BPTF: variants seen among roughly 807,000 people sequenced by gnomAD.
The protein encoded by BPTF is bromodomain PHD finger transcription factor, also known as nucleosome-remodeling factor subunit BPTF.
A neutral mutation model predicts 292.5 loss-of-function variants in BPTF; 18 were observed. The observed-to-expected ratio is 0.06, with a 90% confidence interval of 0.04 to 0.09. The LOEUF (loss-of-function observed/expected upper bound fraction) is 0.09. Ranked by LOEUF, BPTF falls within the 10% of genes least tolerant of loss-of-function variation. The probability of loss-of-function intolerance (pLI) is 1.00; values close to 1 mark genes in which losing one functional copy is unlikely to be tolerated. For missense variants in BPTF, 2,726 were observed against 3,498.7 expected (o/e 0.78, Z 5.57); for synonymous variants, 1,225 against 1,251.9 (o/e 0.98, Z 0.45).
chr17:67,924,964 G>T (rs1598701299), intron 15 of BPTF, among the ~76,000 whole-genome samples: 1 of 151,394 alleles, frequency 6.6e-6, no homozygotes, highest in South Asian at 2.1e-4. Context: ...CCCCAGGCTG[G>T]TCTTAAACTC....
At chr17:67,873,992 C>CTGGATGGA (rs34261763) in intron 3 of BPTF, among the ~76,000 whole-genome samples, 3,943 of 150,426 alleles carry the variant, frequency 0.026, 156 homozygotes, top group African/African-American at 0.083. Context: ...TAAGAAAATG[C>CTGGATGGA]TGGATGGATG....
At chr17:67,835,338 C>A (rs551640582) in intron 1 of BPTF, among the ~76,000 whole-genome samples, 1 of 152,344 alleles carries the variant, frequency 6.6e-6, no homozygotes, top group Non-Finnish European at 1.5e-5. Context: ...TGGGGCATTT[C>A]ATATCATTGC....
At chr17:67,870,420 A>G (rs963955504) in intron 3 of BPTF, among the ~76,000 whole-genome samples, 1 of 152,010 alleles carries the variant, frequency 6.6e-6, no homozygotes, top group Non-Finnish European at 1.5e-5. Flanking sequence ...CAATTCTTTA[A>G]TCCTCTCAGC....
chr17:67,937,372 G>T (rs558173070), intron 18 of BPTF, among the ~76,000 whole-genome samples: 1 of 142,474 alleles, frequency 7.0e-6, no homozygotes, highest in Non-Finnish European at 1.5e-5. Context: ...CAGGAGAATC[G>T]GACTTTGTCA....
chr17:67,879,501 A>T (rs146616893), intron 4 of BPTF, among the ~76,000 whole-genome samples: 13 of 152,276 alleles, frequency 8.5e-5, no homozygotes, highest in African/African-American at 2.9e-4. Context: ...TTTCACTGTG[A>T]GAAGGTTATT....
At chr17:67,909,375 G>T (rs2062492153) in intron 9 of BPTF, among the ~76,000 whole-genome samples, 1 of 148,356 alleles carries the variant, frequency 6.7e-6, no homozygotes, top group South Asian at 2.1e-4. Flanking sequence ...TGAAGTTCAG[G>T]CATTCCTTCT....
intron 14 of BPTF, 115 bp downstream of exon 14, chr17:67,923,105 G>T: frequency 8.2e-7 from 1 of 1,213,218 alleles, no homozygotes; most frequent in Non-Finnish European, 1.1e-6. Flanking sequence ...ACCCAGGCTG[G>T]AGTGCAGTGG....
Position 67,945,590 on chromosome 17 carries a change from G to A in BPTF, c.6882G>A (p.Gln2294=). The change falls in exon 21 of 28, where the codon CAG becomes CAA. Residue 2294 remains glutamine, a synonymous_variant. Transcript: ENST00000306378. The stretch of plus-strand genomic sequence containing the variant: ...AGTCCCCAGCTCAGCCTGAAGTTCA[G>A]ACTCAGCCTGAAGTTCAGACCCAAA... The part of the protein sequence containing the change: ...QPQSPAQPEV[Q]TQPEVQTQTT... 6.2e-7 allele frequency: 1 copy of A among 1,611,862 alleles called. No individual in the cohort carries two copies. The highest frequency in any genetic ancestry group is 8.5e-7 in the Non-Finnish European group (1 of 1,178,974).
intron 18 of BPTF, among the ~76,000 whole-genome samples, chr17:67,934,428 G>C (rs1414871251): frequency 6.6e-6 from 1 of 151,722 alleles, no homozygotes; most frequent in Non-Finnish European, 1.5e-5. Flanking sequence ...TGAGGCAGGA[G>C]AATCACTGCA....
rs143423003 is a variant in BPTF, at chr17:67,857,746, C to T, written c.1436+2984C>T. Among the ~76,000 whole-genome samples, 119 of 149,296 alleles carry T rather than the reference C, an allele frequency of 8.0e-4. 1 individual carries two copies. Among genetic ancestry groups the T allele is most frequent in the Non-Finnish European group, 9.2e-4 (62 of 67,376 alleles). ...CCTCTCAAAGTGCTGGGATTATAGGCGTGAGCCACTGCGTCTAGACTAACA... is the reference window on the plus strand; with the variant it reads ...CCTCTCAAAGTGCTGGGATTATAGGTGTGAGCCACTGCGTCTAGACTAACA... On this transcript the variant is annotated intron_variant, in intron 2 of 27. Transcript: ENST00000306378.
At chr17:67,881,064 A>G (rs2060371512) in intron 4 of BPTF, among the ~76,000 whole-genome samples, 1 of 152,078 alleles carries the variant, frequency 6.6e-6, no homozygotes, top group African/African-American at 2.4e-5. Flanking sequence ...ATAATTTGGT[A>G]GAAGTTATGT....
intron 26 of BPTF, among the ~76,000 whole-genome samples, chr17:67,971,386 G>A (rs2068739759): frequency 6.6e-6 from 1 of 151,658 alleles, no homozygotes; most frequent in South Asian, 2.1e-4. Context: ...GCCCATTTTA[G>A]GCTTTTTTTT....
chr17:67,832,664 C>A (rs1039880201), intron 1 of BPTF, among the ~76,000 whole-genome samples: 1 of 151,956 alleles, frequency 6.6e-6, no homozygotes, highest in African/African-American at 2.4e-5. Flanking sequence ...CTAATTCCAG[C>A]ACGTTTTTAT....
intron 1 of BPTF, among the ~76,000 whole-genome samples, chr17:67,840,665 T>G (rs1182418620): frequency 6.6e-6 from 1 of 152,012 alleles, no homozygotes; most frequent in Non-Finnish European, 1.5e-5. Context: ...AGGCTCAAGG[T>G]GATCCTCCCA....
intron 15 of BPTF, among the ~76,000 whole-genome samples, chr17:67,925,678 C>T (rs1465678752): frequency 2.0e-5 from 3 of 152,084 alleles, no homozygotes; most frequent in African/African-American, 7.2e-5. Flanking sequence ...TATCTATATA[C>T]AGTATTATTA....
intron 6 of BPTF, 135 bp from the exon 7 acceptor site, chr17:67,893,899 C>A: frequency 8.1e-7 from 1 of 1,235,206 alleles, no homozygotes; most frequent in Non-Finnish European, 1.1e-6. Context: ...ACCGACACCA[C>A]TAACTATTTG....
At chr17:67,955,240 T>C (rs1443037702) in intron 23 of BPTF, 3 of 141,748 alleles carry the variant, frequency 2.1e-5, no homozygotes, top group African/African-American at 8.4e-5. Context: ...ATAGCGCCAC[T>C]GCACTCCAGC....
At chr17:67,887,482 T>C (rs1029975050) in intron 4 of BPTF, among the ~76,000 whole-genome samples, 1 of 152,226 alleles carries the variant, frequency 6.6e-6, no homozygotes, top group Non-Finnish European at 1.5e-5. Context: ...TTGTGTTTTA[T>C]TGAGGAGGGT....
intron 4 of BPTF, among the ~76,000 whole-genome samples, chr17:67,883,686 G>C (rs922896944): frequency 6.6e-6 from 1 of 151,928 alleles, no homozygotes; most frequent in African/African-American, 2.4e-5. Context: ...AGCAACCTCC[G>C]CCCCCCTGGG....
Sources: gnomAD v4.1 joint callset for allele counts (sites outside exome capture counted in the v4.1 genomes callset) on GRCh38, gnomAD v4.1.1 for gene constraint, MANE v1.5 for transcripts, NCBI Gene and HGNC (gene_info 2026-07-23, HGNC 2026-07-21) for gene names.